Variants in ST6GALNAC5 observed in about 807,000 individuals in gnomAD.
ST6GALNAC5 encodes alpha-N-acetylgalactosaminide alpha-2,6-sialyltransferase 5.
ST6GALNAC5 carries 27 observed loss-of-function variants against 33.6 expected under a neutral mutation model. The ratio of observed to expected loss-of-function variants is 0.80; its 90% CI spans 0.59 to 1.11. The LOEUF (loss-of-function observed/expected upper bound fraction) is 1.11, where lower values mean the gene tolerates loss of function less well. ST6GALNAC5 is among the 50% of genes least tolerant of loss of function. ST6GALNAC5 has a pLI of 0.00. For synonymous variants in ST6GALNAC5, 194 were observed against 171.2 expected, an observed-to-expected ratio of 1.13 and a Z score of -1.04; for missense variants, 428 against 454.0, an observed-to-expected ratio of 0.94 and a Z score of 0.52.
chr1:76,870,410 C>T (rs1653473598), intron 2 of ST6GALNAC5, among the ~76,000 whole-genome samples: 1 of 152,184 alleles, frequency 6.6e-6, no homozygotes, highest in Non-Finnish European at 1.5e-5. Flanking sequence ...GGTAAATTTG[C>T]TGAAAGTTTT....
chr1:76,951,212 G>A (rs1034582735), intron 2 of ST6GALNAC5, among the ~76,000 whole-genome samples: 1 of 152,096 alleles, frequency 6.6e-6, no homozygotes, highest in Non-Finnish European at 1.5e-5. Context: ...AGCTTCAAAA[G>A]GTAAAAGCCA....
At chr1:77,052,136 T>A (rs1397205946) in intron 4 of ST6GALNAC5, among the ~76,000 whole-genome samples, 2 of 152,154 alleles carry the variant, frequency 1.3e-5, no homozygotes, top group Admixed American at 1.3e-4. Context: ...TCCCCAAAGC[T>A]TTGATAGTTG....
At chr1:77,006,136 G>GT (rs34812424) in intron 2 of ST6GALNAC5, among the ~76,000 whole-genome samples, 51,683 of 151,412 alleles carry the variant, frequency 0.34, 10,743 homozygotes, top group East Asian at 0.48. Context: ...GAAATGTGTA[G>GT]TTTTTTTTGT....
At chr1:77,033,277 TTA>T (rs1328558918) in intron 2 of ST6GALNAC5, among the ~76,000 whole-genome samples, 4 of 152,224 alleles carry the variant, frequency 2.6e-5, no homozygotes, top group Non-Finnish European at 5.9e-5. Flanking sequence ...AGAGATTTCT[TTA>T]ACTATTTCTT....
In ST6GALNAC5 at chr1:76,868,641, G is replaced by T. The variant is rs747677052; in HGVS notation, c.160G>T (p.Gly54Cys). 339 of 1,606,516 alleles carry T rather than the reference G, an allele frequency of 2.1e-4. No homozygotes were observed. The highest frequency in any genetic ancestry group is 2.8e-4 in the Non-Finnish European group (333 of 1,176,498). ...QQQQQQASAT[G>C]SSQPAAESST... ...ACAGCAGCAGCAGGCGTCGGCCACC[G>T]GCAGCTCGCAGCCGGCGGCGGAGAG... The change falls in exon 2 of 5, where the codon GGC becomes TGC. Residue 54 changes from glycine (G) to cysteine (C), a missense_variant. Coordinates refer to ENST00000477717, the MANE Select transcript of ST6GALNAC5 (RefSeq NM_030965.3). This position sits in a 1 kb window ranked among gnomAD's most constrained non-coding sequence, Gnocchi z 4.3.
At chr1:76,890,836 A>G (rs1653998294) in intron 2 of ST6GALNAC5, among the ~76,000 whole-genome samples, 1 of 152,098 alleles carries the variant, frequency 6.6e-6, no homozygotes, top group Non-Finnish European at 1.5e-5. Context: ...TTTCATATAC[A>G]TTTTTACATA....
chr1:77,030,463 C>T (rs1364323145), intron 2 of ST6GALNAC5, among the ~76,000 whole-genome samples: 4 of 152,146 alleles, frequency 2.6e-5, no homozygotes, highest in South Asian at 2.1e-4. Context: ...AAAAATTGAT[C>T]GTCATTATGA....
rs34309736 is a variant in ST6GALNAC5, at chr1:76,936,953, G to GGTGT, written c.261+68244_261+68247dup. Reference sequence around the variant, plus strand: ...AGTCAGGAGACTGGAAGAGAAGCAGGGTGTGTGTGTGTGTGTGTGTGTGTG... The same window carrying GGTGT: ...AGTCAGGAGACTGGAAGAGAAGCAGGGTGTGTGTGTGTGTGTGTGTGTGTGTGTG... On this transcript the variant is annotated intron_variant, in intron 2 of 4. Coordinates refer to ENST00000477717, the MANE Select transcript of ST6GALNAC5 (RefSeq NM_030965.3). Among the ~76,000 whole-genome samples the GGTGT allele has an allele frequency of 5.8e-3, 814 of 140,034 alleles. 8 individuals carry two copies. The highest frequency in any genetic ancestry group is 9.6e-3 in the Admixed American group (132 of 13,806). 91.9% of individuals were successfully genotyped at this position (140,034 alleles called of 152,430 possible).
intron 2 of ST6GALNAC5, among the ~76,000 whole-genome samples, chr1:76,876,593 C>T (rs1347527324): frequency 2.0e-5 from 3 of 152,186 alleles, no homozygotes; most frequent in African/African-American, 7.2e-5. Context: ...TTCCAAGTCC[C>T]TGACCATCCA....
intron 2 of ST6GALNAC5, among the ~76,000 whole-genome samples, chr1:76,940,451 A>G (rs2100323600): frequency 6.6e-6 from 1 of 152,222 alleles, no homozygotes; most frequent in Non-Finnish European, 1.5e-5. Context: ...TAGCTGATGC[A>G]CACATGCAGA....
intron 2 of ST6GALNAC5, among the ~76,000 whole-genome samples, chr1:76,935,937 T>C (rs189923596): frequency 6.6e-6 from 1 of 152,072 alleles, no homozygotes; most frequent in Non-Finnish European, 1.5e-5. Flanking sequence ...ATGGGTATAA[T>C]ATAACATCTC....
intron 2 of ST6GALNAC5, among the ~76,000 whole-genome samples, chr1:76,999,713 T>C (rs1368587772): frequency 6.7e-6 from 1 of 148,700 alleles, no homozygotes; most frequent in African/African-American, 2.5e-5. Flanking sequence ...ATTGTTCAAT[T>C]CCCACCTATG....
At chr1:76,994,029 T>A (rs1218071509) in intron 2 of ST6GALNAC5, among the ~76,000 whole-genome samples, 1 of 152,168 alleles carries the variant, frequency 6.6e-6, no homozygotes, top group Non-Finnish European at 1.5e-5. Context: ...CTGTGAAATA[T>A]CCAAACAACT....
At chr1:76,922,619 A>G (rs1247822518) in intron 2 of ST6GALNAC5, among the ~76,000 whole-genome samples, 1 of 152,202 alleles carries the variant, frequency 6.6e-6, no homozygotes, top group Non-Finnish European at 1.5e-5. Context: ...GTGTGGTATT[A>G]CCAGAGGTAT....
intron 2 of ST6GALNAC5, among the ~76,000 whole-genome samples, chr1:76,999,148 A>G (rs1415195047): frequency 6.6e-6 from 1 of 152,168 alleles, no homozygotes; most frequent in Non-Finnish European, 1.5e-5. Context: ...GAAGACAGGC[A>G]GCTTTCCCAG....
intron 2 of ST6GALNAC5, among the ~76,000 whole-genome samples, chr1:76,931,283 A>G (rs1340249292): frequency 1.3e-5 from 2 of 152,132 alleles, no homozygotes; most frequent in Non-Finnish European, 2.9e-5. Context: ...ACACCCTGCC[A>G]ACACCTTCAT....
At chr1:77,005,499 C>T (rs1055783989) in intron 2 of ST6GALNAC5, among the ~76,000 whole-genome samples, 2 of 152,230 alleles carry the variant, frequency 1.3e-5, no homozygotes, top group Non-Finnish European at 2.9e-5. Context: ...CCTATTCAGC[C>T]ATCTTGGCTC....
At chr1:76,890,138 C>G (rs953203792) in intron 2 of ST6GALNAC5, among the ~76,000 whole-genome samples, 8 of 152,056 alleles carry the variant, frequency 5.3e-5, no homozygotes, top group Non-Finnish European at 8.8e-5. Context: ...TTTGCCAAGC[C>G]CCTAGAAGCC....
At chr1:77,053,558 G>C (rs142190115) in intron 4 of ST6GALNAC5, among the ~76,000 whole-genome samples, 1,754 of 152,308 alleles carry the variant, frequency 0.012, 18 homozygotes, top group Non-Finnish European at 0.016. Context: ...CTCTGACTTT[G>C]AGAAAGTTAC....
Sources: gnomAD v4.1 joint callset for allele counts (sites outside exome capture counted in the v4.1 genomes callset) on GRCh38, gnomAD v4.1.1 for gene constraint, Gnocchi (gnomAD v3.1) non-coding constraint, MANE v1.5 for transcripts, NCBI Gene and HGNC (gene_info 2026-07-23, HGNC 2026-07-21) for gene names.